The following STARD13 variants were observed in gnomAD, a reference collection of about 807,000 sequenced individuals.
STARD13 encodes the protein StAR related lipid transfer domain containing 13, also known as stAR-related lipid transfer protein 13.
In STARD13, 62 loss-of-function variants were observed where a neutral mutation model predicts 106.4. That is an observed-to-expected ratio of 0.58 (90% CI 0.48 to 0.72). The LOEUF is 0.72. STARD13 is among the 30% of genes least tolerant of loss of function. The probability of loss-of-function intolerance (pLI) is 0.00; values close to 1 mark genes in which losing one functional copy is unlikely to be tolerated. For synonymous variants in STARD13, 565 were observed against 553.0 expected, an observed-to-expected ratio of 1.02 and a Z score of -0.31; for missense variants, 1,387 against 1,424.0, an observed-to-expected ratio of 0.97 and a Z score of 0.42.
At chr13:33,329,463 C>A (rs1444253097) in intron 1 of STARD13, among the ~76,000 whole-genome samples, 1 of 152,114 alleles carries the variant, frequency 6.6e-6, no homozygotes, top group African/African-American at 2.4e-5. Flanking sequence ...CAGGCAACCA[C>A]CATCCTACTT....
chr13:33,106,141 C>T (rs533443251), intron 13 of STARD13, among the ~76,000 whole-genome samples: 2 of 152,322 alleles, frequency 1.3e-5, no homozygotes, highest in African/African-American at 2.4e-5. Flanking sequence ...AATACATGGT[C>T]GAGCACGGTG....
At chr13:33,594,553 A>G in the STARD13 span, among the ~76,000 whole-genome samples, 3 of 152,258 alleles carry the variant, frequency 2.0e-5, no homozygotes, top group African/African-American at 7.2e-5. Context: ...TAATGATTTT[A>G]AAGTGTGTAG....
the STARD13 span, among the ~76,000 whole-genome samples, chr13:33,584,376 A>G: frequency 6.6e-6 from 1 of 152,100 alleles, no homozygotes; most frequent in Non-Finnish European, 1.5e-5. Context: ...GAGCAGGAGC[A>G]AGAAAGAGAG....
At chr13:33,551,574 T>TCC in the STARD13 span, among the ~76,000 whole-genome samples, 1 of 12,128 alleles carries the variant, frequency 8.2e-5, no homozygotes, top group Non-Finnish European at 1.7e-4. Flanking sequence ...TTTCCCTTTT[T>TCC]TTTTTTTTTT....
upstream of STARD13, among the ~76,000 whole-genome samples, chr13:33,290,522 C>A (rs1892251980): frequency 6.6e-6 from 1 of 152,248 alleles, no homozygotes; most frequent in Non-Finnish European, 1.5e-5. Context: ...TTGACCAGGA[C>A]TCCATGAAAG....
chr13:33,172,113 G>A (rs1459406521), intron 1 of STARD13, among the ~76,000 whole-genome samples: 1 of 152,138 alleles, frequency 6.6e-6, no homozygotes, highest in Non-Finnish European at 1.5e-5. Flanking sequence ...GCCCCATTAT[G>A]AACACCTAAC....
the STARD13 span, among the ~76,000 whole-genome samples, chr13:33,662,020 T>C: frequency 6.6e-6 from 1 of 152,082 alleles, no homozygotes; most frequent in Non-Finnish European, 1.5e-5. Flanking sequence ...CCCAGCACTC[T>C]GGGAGGCCGA....
At chr13:33,234,092 A>G (rs556532475) in intron 1 of STARD13, among the ~76,000 whole-genome samples, 2 of 152,352 alleles carry the variant, frequency 1.3e-5, no homozygotes, top group East Asian at 1.9e-4. Flanking sequence ...GGCTTATAGC[A>G]TACGTACAAA....
chr13:33,171,586 A>G lies in STARD13; in HGVS notation c.170-3964T>C, dbSNP rs763139670. On this transcript the variant is annotated intron_variant, in intron 1 of 13. Coordinates refer to ENST00000336934, the MANE Select transcript of STARD13 (RefSeq NM_178006.4). ...GCTGACGCCTCTTGCCTCCAAGCACACTCCCTAGCCCTATCACCACCACCC... is the reference window on the plus strand; with the variant it reads ...GCTGACGCCTCTTGCCTCCAAGCACGCTCCCTAGCCCTATCACCACCACCC... Among the ~76,000 whole-genome samples the G allele has an allele frequency of 2.6e-5, 4 of 151,898 alleles. No individual in the cohort carries two copies. The South Asian group carries it at 8.3e-4, about 32-fold the overall frequency.
the STARD13 span, among the ~76,000 whole-genome samples, chr13:33,647,638 AG>A: frequency 2.6e-5 from 4 of 152,354 alleles, no homozygotes; most frequent in East Asian, 7.7e-4. Flanking sequence ...CCTTGAGCAA[AG>A]AGTTTGACAT....
chr13:33,602,902 A>G, the STARD13 span, among the ~76,000 whole-genome samples: 1 of 152,232 alleles, frequency 6.6e-6, no homozygotes, highest in East Asian at 1.9e-4. Flanking sequence ...CCCTGGCTGT[A>G]GAAAAATTGT....
chr13:33,134,429 A>C (rs1025451696), intron 4 of STARD13, among the ~76,000 whole-genome samples: 12 of 152,230 alleles, frequency 7.9e-5, no homozygotes, highest in Admixed American at 7.2e-4. Context: ...TAACTGGTTG[A>C]GTAACTCCTC....
At chr13:33,424,696 A>G in the STARD13 span, among the ~76,000 whole-genome samples, 1 of 152,122 alleles carries the variant, frequency 6.6e-6, no homozygotes, top group East Asian at 1.9e-4. Flanking sequence ...TGGCCAGACA[A>G]ATTTTCTGAA....
At chr13:33,457,177 C>A in the STARD13 span, among the ~76,000 whole-genome samples, 2 of 152,192 alleles carry the variant, frequency 1.3e-5, no homozygotes, top group East Asian at 3.9e-4. Flanking sequence ...GAAAATCCAA[C>A]ATACAGAAAA....
At chr13:33,473,253 T>C in the STARD13 span, among the ~76,000 whole-genome samples, 1 of 152,198 alleles carries the variant, frequency 6.6e-6, no homozygotes, top group Non-Finnish European at 1.5e-5. Flanking sequence ...GGCCCTATAA[T>C]GGGGCTTCAT....
intron 1 of STARD13, among the ~76,000 whole-genome samples, chr13:33,223,265 TTTTACACTGC>T (rs561837563): frequency 2.0e-5 from 3 of 152,204 alleles, no homozygotes; most frequent in Non-Finnish European, 4.4e-5. Flanking sequence ...AGAATGATGT[TTTTACACTGC>T]TGTCATAAAA....
chr13:33,381,866 A>G, the STARD13 span, among the ~76,000 whole-genome samples: 2 of 152,256 alleles, frequency 1.3e-5, no homozygotes, highest in African/African-American at 2.4e-5. Flanking sequence ...TGAATAATTC[A>G]TTCCTCGATA....
the STARD13 span, among the ~76,000 whole-genome samples, chr13:33,380,869 T>C: frequency 3.9e-5 from 6 of 152,100 alleles, no homozygotes; most frequent in Non-Finnish European, 5.9e-5. Context: ...AAGGTCAGTG[T>C]GTCTGGAGCA....
intron 1 of STARD13, among the ~76,000 whole-genome samples, chr13:33,175,235 G>C (rs1376680718): frequency 2.0e-5 from 3 of 152,136 alleles, no homozygotes; most frequent in Non-Finnish European, 4.4e-5. Flanking sequence ...TCAGGCGCTT[G>C]TGGTATTTCT....
Sources: allele counts gnomAD v4.1 joint callset (sites outside exome capture counted in the v4.1 genomes callset), GRCh38; gene constraint gnomAD v4.1.1; transcripts MANE v1.5; gene names NCBI Gene and HGNC (gene_info 2026-07-23, HGNC 2026-07-21).